The following SLCO3A1 variants were observed in gnomAD, a reference collection of about 807,000 sequenced individuals.
The protein encoded by SLCO3A1 is PGE1 transporter.
Under a neutral mutation model 63.1 loss-of-function variants are expected in SLCO3A1, and 27 were observed. The observed-to-expected ratio is 0.43, with a 90% CI of 0.32 to 0.59. The LOEUF is 0.59. Ranked by LOEUF, SLCO3A1 falls within the 20% of genes least tolerant of loss-of-function variation. The pLI is 0.09. For missense variants in SLCO3A1, 773 were observed against 945.8 expected (o/e 0.82, Z 2.40); for synonymous variants, 473 against 409.9 (o/e 1.15, Z -1.86).
At chr15:92,123,500 G>C (rs1262746921) in intron 5 of SLCO3A1, among the ~76,000 whole-genome samples, 1 of 152,130 alleles carries the variant, frequency 6.6e-6, no homozygotes, top group African/African-American at 2.4e-5. Flanking sequence ...GGAACTGCCA[G>C]GGTACCACAA....
intron 2 of SLCO3A1, among the ~76,000 whole-genome samples, chr15:91,928,790 A>G (rs142254926): frequency 2.6e-5 from 4 of 152,228 alleles, no homozygotes; most frequent in African/African-American, 7.2e-5. Flanking sequence ...AAATCATGTG[A>G]GTTGTTTTCA....
chr15:91,919,758 C>CT (rs373225414), intron 2 of SLCO3A1, among the ~76,000 whole-genome samples: 47 of 148,306 alleles, frequency 3.2e-4, no homozygotes, highest in East Asian at 5.9e-4. Context: ...GGTTGCCCCC[C>CT]TTTTTTTTTT....
chr15:91,909,726 C>G (rs1455370355), intron 1 of SLCO3A1, among the ~76,000 whole-genome samples: 2 of 152,214 alleles, frequency 1.3e-5, no homozygotes, highest in African/African-American at 4.8e-5. Context: ...CTGCTCTCAC[C>G]CTTCACAAGC....
At chr15:92,071,967 G>A (rs763365628) in intron 2 of SLCO3A1, among the ~76,000 whole-genome samples, 16 of 152,144 alleles carry the variant, frequency 1.1e-4, no homozygotes, top group Non-Finnish European at 1.6e-4. Flanking sequence ...CCTTTTTTCA[G>A]CTGTCACCAA....
At chr15:92,103,591 G>A (rs1596104145) in intron 3 of SLCO3A1, among the ~76,000 whole-genome samples, 1 of 152,128 alleles carries the variant, frequency 6.6e-6, no homozygotes, top group East Asian at 1.9e-4. Flanking sequence ...CATCATCTGG[G>A]TGCCCAAGCA....
Position 92,150,896 on chromosome 15 carries a change from C to G in SLCO3A1, c.1689-54C>G, listed in dbSNP as rs969165077. 6.5e-5 allele frequency: 87 copies of G among 1,337,298 alleles called. No homozygotes were observed. In the African/African-American group the frequency reaches 1.1e-3, roughly 17 times the overall value. The allele number at this position is 1,337,298 out of a possible 1,614,324, so 82.8% of individuals were successfully genotyped here. A position where few individuals can be genotyped will look rare whatever the true frequency, so the allele number is the denominator to read the frequency against. Reference sequence around the variant, plus strand: ...AAATGACTCTGGGGTCTGTTAATTACAGGGGAATGATAAAAATCTGGTTTT... The same window carrying G: ...AAATGACTCTGGGGTCTGTTAATTAGAGGGGAATGATAAAAATCTGGTTTT... On this transcript the variant is annotated intron_variant, in intron 8 of 9. Transcript: ENST00000318445.
intron 5 of SLCO3A1, among the ~76,000 whole-genome samples, chr15:92,122,507 T>C (rs1178906470): frequency 6.6e-6 from 1 of 152,152 alleles, no homozygotes; most frequent in African/African-American, 2.4e-5. Context: ...GAACCAAGTG[T>C]TGGGGAGGAT....
At chr15:92,016,249 ATAGAT>A (rs755453885) in intron 2 of SLCO3A1, among the ~76,000 whole-genome samples, 52 of 58,448 alleles carry the variant, frequency 8.9e-4, no homozygotes, top group African/African-American at 2.3e-3. Context: ...AGATAGATAG[ATAGAT>A]TAGATAGATA....
At position 91,883,574 on chromosome 15, in the gene SLCO3A1, C is replaced by G. The variant is rs1897650488; in HGVS notation, c.180+29486C>G. 6.6e-6 allele frequency among the ~76,000 whole-genome samples: 1 copy of G among 152,122 alleles called. No individual in the cohort carries two copies. Among genetic ancestry groups the G allele is most frequent in the Non-Finnish European group, 1.5e-5 (1 of 68,028 alleles). On this transcript the variant is annotated intron_variant, in intron 1 of 9. Transcript: ENST00000318445. The surrounding 1 kb of genome is among the most constrained non-coding windows in gnomAD (Gnocchi z 4.8). ...CTCAGGTATTTGTAATTATTTTATGCCATTATATACCCTGAAAGTGGCTGT... is the reference window on the plus strand; with the variant it reads ...CTCAGGTATTTGTAATTATTTTATGGCATTATATACCCTGAAAGTGGCTGT...
chr15:91,853,881 CG>C lies in SLCO3A1; in HGVS notation c.-26del. On this transcript the variant is annotated 5_prime_UTR_variant, in exon 1 of 10. Transcript: ENST00000318445. ...GGGGCGAGCGGGAAAGCGGCAGCGG[CG>C]GCGGCGGCGGCGGCGGCGGGGGAAG... 2.6e-6 allele frequency: 3 copies of C among 1,165,372 alleles called. No homozygotes were observed. Among genetic ancestry groups the C allele is most frequent in the Non-Finnish European group, 2.2e-6 (2 of 905,816 alleles). The allele number at this position is 1,165,372 out of a possible 1,614,324, so 72.2% of individuals were successfully genotyped here.
chr15:91,876,859 G>A (rs1455150889), intron 1 of SLCO3A1, among the ~76,000 whole-genome samples: 1 of 152,174 alleles, frequency 6.6e-6, no homozygotes, highest in African/African-American at 2.4e-5. Context: ...CTGCCCTGTG[G>A]GATCACAGGC....
In SLCO3A1 at chr15:92,006,737, TAGTG is replaced by T. The variant is rs954390294; in HGVS notation, c.647-88141_647-88138del. On this transcript the variant is annotated intron_variant, in intron 2 of 9. Transcript: ENST00000318445. ...TTCCAGTGCCCCAAAAGACAAAACATAGTGAGCGTAATAAACAGGATAGATGTGT... is the reference window on the plus strand; with the variant it reads ...TTCCAGTGCCCCAAAAGACAAAACATAGCGTAATAAACAGGATAGATGTGT... Among the ~76,000 whole-genome samples, 24 of 152,280 alleles carry T rather than the reference TAGTG, an allele frequency of 1.6e-4. No homozygotes were observed. The South Asian group carries it at 3.3e-3, about 21-fold the overall frequency.
chr15:91,964,414 C>A (rs1900580353), intron 2 of SLCO3A1, among the ~76,000 whole-genome samples: 1 of 152,022 alleles, frequency 6.6e-6, no homozygotes, highest in Admixed American at 6.6e-5. Flanking sequence ...AAGAAGCAAA[C>A]CCTCACATGC....
intron 4 of SLCO3A1, among the ~76,000 whole-genome samples, chr15:92,110,058 C>T (rs1467729448): frequency 1.3e-5 from 2 of 152,192 alleles, no homozygotes; most frequent in Admixed American, 6.5e-5. Context: ...CAAAGCCCTT[C>T]CTGTGTCTGA....
intron 2 of SLCO3A1, among the ~76,000 whole-genome samples, chr15:91,921,502 T>G: frequency 6.6e-6 from 1 of 152,202 alleles, no homozygotes; most frequent in Non-Finnish European, 1.5e-5. Context: ...TAAGGAGCTG[T>G]ATTGTAATTT....
chr15:92,046,290 G>A (rs1011441080), intron 2 of SLCO3A1, among the ~76,000 whole-genome samples: 1 of 151,998 alleles, frequency 6.6e-6, no homozygotes, highest in South Asian at 2.1e-4. Flanking sequence ...CGAGACGGAT[G>A]GGTCACTTGA....
intron 4 of SLCO3A1, among the ~76,000 whole-genome samples, chr15:92,117,637 T>A (rs990822256): frequency 2.0e-5 from 3 of 152,184 alleles, no homozygotes; most frequent in African/African-American, 7.2e-5. Context: ...TCCATACTGT[T>A]CTTACTACAT....
At chr15:91,918,469 C>T (rs1370166883) in intron 2 of SLCO3A1, among the ~76,000 whole-genome samples, 1 of 152,122 alleles carries the variant, frequency 6.6e-6, no homozygotes, top group Non-Finnish European at 1.5e-5. Context: ...GATGATAGTT[C>T]TGGGTTTCTC....
chr15:91,959,030 C>T (rs921120226), intron 2 of SLCO3A1, among the ~76,000 whole-genome samples: 6 of 152,210 alleles, frequency 3.9e-5, no homozygotes, highest in African/African-American at 1.2e-4. Flanking sequence ...AACTGCCCCT[C>T]AACCAAGGAG....
Sources: gnomAD v4.1 joint callset for allele counts (sites outside exome capture counted in the v4.1 genomes callset) on GRCh38, gnomAD v4.1.1 for gene constraint, Gnocchi (gnomAD v3.1) non-coding constraint, MANE v1.5 for transcripts, NCBI Gene and HGNC (gene_info 2026-07-23, HGNC 2026-07-21) for gene names.